Variants in DOT1L observed in about 807,000 individuals in gnomAD.
The protein encoded by DOT1L is DOT1 like histone lysine methyltransferase.
Under a neutral mutation model 153.3 loss-of-function variants are expected in DOT1L, and 33 were observed. The observed-to-expected ratio is 0.22, with a 90% CI of 0.16 to 0.29. The LOEUF is 0.29. Among genes scored for constraint, DOT1L ranks in the 10% least tolerant of loss-of-function variants. The pLI is 1.00. For missense variants in DOT1L, 1,847 were observed against 2,119.9 expected, an observed-to-expected ratio of 0.87 and a Z score of 2.53; for synonymous variants, 1,135 against 965.1, an observed-to-expected ratio of 1.18 and a Z score of -3.26.
Position 2,197,172 on chromosome 19 carries a change from T to G in DOT1L, c.651+2595T>G, listed in dbSNP as rs1354713359. ...TGGGTGGCGCTCCCTCGGCTTCTGT[T>G]CTGCTGTCTTTGACCAGGACTTGCG... is the stretch of plus-strand genomic sequence containing the variant. On this transcript the variant is annotated intron_variant, in intron 7 of 27. Transcript: ENST00000398665. This position sits in a 1 kb window ranked among gnomAD's most constrained non-coding sequence, Gnocchi z 4.1. 6.6e-6 allele frequency among the ~76,000 whole-genome samples: 1 copy of G among 152,176 alleles called. No homozygotes were observed. The highest frequency in any genetic ancestry group is 1.5e-5 in the Non-Finnish European group (1 of 68,026).
At position 2,226,556 on chromosome 19, in the gene DOT1L, C is replaced by A; in HGVS notation, c.4035C>A (p.Ala1345=). The change falls in exon 27 of 28, where the codon GCC becomes GCA. Residue 1345 remains alanine, a synonymous_variant. Transcript: ENST00000398665. The part of the protein sequence containing the change: ...ASLPHKGPEA[A]GLSSPLSFPS... ...TTCCCCACAAGGGCCCCGAGGCGGC[C>A]GGCCTGAGCTCCCCGCTGAGCTTCC... The A allele has an allele frequency of 1.2e-6, 2 of 1,600,420 alleles. No homozygotes were observed. Among genetic ancestry groups the A allele is most frequent in the South Asian group, 1.1e-5 (1 of 90,710 alleles).
At chr19:2,209,450 T>C (rs1229115165) in intron 12 of DOT1L, among the ~76,000 whole-genome samples, 1 of 152,236 alleles carries the variant, frequency 6.6e-6, no homozygotes, top group Non-Finnish European at 1.5e-5. Context: ...TGTGCGTCAC[T>C]GCTGGCTGCC....
At chr19:2,192,580 G>A (rs2022841920) in intron 5 of DOT1L, among the ~76,000 whole-genome samples, 1 of 151,704 alleles carries the variant, frequency 6.6e-6, no homozygotes, top group East Asian at 1.9e-4. Flanking sequence ...GGCTGAGGCA[G>A]GGGAATTGCT....
rs972214881 is a variant in DOT1L, at chr19:2,220,587, C to T, written c.2806+365C>T. ...CACAGCAGTGCCCAATGGCACACGA[C>T]CGTGGGCCTCCGTGCTGGTAGCGGC... On this transcript the variant is annotated intron_variant, in intron 23 of 27. Transcript: ENST00000398665. This position sits in a 1 kb window ranked among gnomAD's most constrained non-coding sequence, Gnocchi z 4.5. 1 of 458,818 alleles carries T rather than the reference C, an allele frequency of 2.2e-6. No homozygotes were observed. The highest frequency in any genetic ancestry group is 4.4e-6 in the Non-Finnish European group (1 of 227,426). 28.4% of individuals were successfully genotyped at this position (458,818 alleles called of 1,614,324 possible). A position where few individuals can be genotyped will look rare whatever the true frequency, so the allele number is the denominator to read the frequency against.
intron 27 of DOT1L, chr19:2,228,150 A>G: frequency 7.3e-7 from 1 of 1,364,546 alleles, no homozygotes. Context: ...CTCTTTGTCT[A>G]TCAAGCTCAC....
chr19:2,182,746 A>G (rs187041826), intron 2 of DOT1L, among the ~76,000 whole-genome samples: 256 of 152,260 alleles, frequency 1.7e-3, no homozygotes, highest in African/African-American at 5.9e-3. Flanking sequence ...GGGCCTGCAC[A>G]GACTTCTGGG....
At chr19:2,227,158 G>A in intron 27 of DOT1L, 31 bp downstream of exon 27, 2 of 1,564,218 alleles carry the variant, frequency 1.3e-6, no homozygotes, top group Non-Finnish European at 1.7e-6. Flanking sequence ...TCCGCCCCCC[G>A]CCCCGGCCCC....
intron 4 of DOT1L, 48 bp downstream of exon 4, chr19:2,189,843 C>G (rs369044072): frequency 6.3e-7 from 1 of 1,598,756 alleles, no homozygotes; most frequent in Non-Finnish European, 8.5e-7. Flanking sequence ...GCCAGGCTCC[C>G]GGACCCCTCC....
Position 2,226,659 on chromosome 19 carries a change from A to G in DOT1L, c.4138A>G (p.Lys1380Glu). ...GCAGCTGGACGGCCTGGCTGGGCTG[A>G]AGGGCGAGGGCAGCCGCGGCAAGGA... ...KRQLDGLAGL[K>E]GEGSRGKEAG... The change falls in exon 27 of 28, where the codon AAG becomes GAG. Residue 1380 changes from lysine to glutamate, a missense_variant. This residue lies in a region of DOT1L where 934 missense variants were observed against 825.3 expected (regional missense o/e 1.13). Coordinates refer to ENST00000398665, the MANE Select transcript of DOT1L (RefSeq NM_032482.3). 6.3e-7 allele frequency: 1 copy of G among 1,582,146 alleles called. No individual in the cohort carries two copies. Among genetic ancestry groups the G allele is most frequent in the Non-Finnish European group, 8.6e-7 (1 of 1,167,956 alleles).
intron 1 of DOT1L, among the ~76,000 whole-genome samples, chr19:2,176,402 G>A (rs2021936502): frequency 6.6e-6 from 1 of 152,206 alleles, no homozygotes; most frequent in South Asian, 2.1e-4. Context: ...GGCACGGCTC[G>A]CGGGAGTTGC....
chr19:2,215,724 G>C (rs1376753570), intron 19 of DOT1L: 1 of 152,442 alleles, frequency 6.6e-6, no homozygotes, highest in African/African-American at 2.4e-5. Context: ...AGAAACGGAG[G>C]TCGCCGACCT....
rs1433509294 is a variant in DOT1L at position 2,231,415 on chromosome 19, G to C, written c.*1623G>C. ...GGAGCCACGGAGGAAAGGCTTCTGT[G>C]GTTGCTAGGTGGGGGAGTCCTGTGT... On this transcript the variant is annotated 3_prime_UTR_variant, in exon 28 of 28. Coordinates refer to ENST00000398665, the MANE Select transcript of DOT1L (RefSeq NM_032482.3). The C allele has an allele frequency of 4.9e-6, 1 of 204,764 alleles. No homozygotes were observed. Among genetic ancestry groups the C allele is most frequent in the African/African-American group, 2.3e-5 (1 of 43,718 alleles). The allele number at this position is 204,764 out of a possible 1,614,324, so 12.7% of individuals were successfully genotyped here. A position where few individuals can be genotyped will look rare whatever the true frequency, so the allele number is the denominator to read the frequency against.
At chr19:2,219,796 G>C (rs1328370087) in intron 22 of DOT1L, among the ~76,000 whole-genome samples, 6 of 152,158 alleles carry the variant, frequency 3.9e-5, no homozygotes, top group African/African-American at 1.2e-4. Context: ...TTCCCGGTGA[G>C]GGCGGGCTGT....
intron 2 of DOT1L, among the ~76,000 whole-genome samples, chr19:2,182,992 A>G (rs2022312904): frequency 6.6e-6 from 1 of 151,908 alleles, no homozygotes. Context: ...CGAAACTCGA[A>G]CCCCCACCAC....
At position 2,226,937 on chromosome 19, in the gene DOT1L, G is replaced by A. The variant is rs745342968; in HGVS notation, c.4416G>A (p.Pro1472=). Residue 1472 remains proline, a synonymous_variant, in exon 27 of 28, where the codon CCG becomes CCA. Transcript: ENST00000398665. ...RSFLGPFPPG[P]QFALGPMSLQ... ...TCCTGGGCCCCTTCCCGCCGGGACC[G>A]CAGTTCGCGCTCGGCCCCATGTCCC... The A allele has an allele frequency of 5.1e-6, 8 of 1,582,454 alleles. No individual in the cohort carries two copies. The African/African-American group carries it at 5.5e-5, about 11-fold the overall frequency.
chr19:2,210,230 A>G (rs2023658417), intron 12 of DOT1L, among the ~76,000 whole-genome samples, 170 bp from the exon 13 acceptor site: 4 of 152,200 alleles, frequency 2.6e-5, no homozygotes, highest in Admixed American at 2.6e-4. Flanking sequence ...GGCCCCAAGC[A>G]GCCCACTGCT....
intron 26 of DOT1L, 106 bp downstream of exon 26, chr19:2,225,558 G>A: frequency 8.0e-7 from 1 of 1,243,492 alleles, no homozygotes; most frequent in South Asian, 1.2e-5. Flanking sequence ...TGTCCCGCAT[G>A]GTGCTGGCCC....
Position 2,230,348 on chromosome 19 carries a change from AGCGCCC to A in DOT1L, c.*557_*562del. 2.4e-6 allele frequency: 1 copy of A among 411,042 alleles called. No homozygotes were observed. The highest frequency in any genetic ancestry group is 4.3e-6 in the Non-Finnish European group (1 of 234,056). The allele number at this position is 411,042 out of a possible 1,614,324, so 25.5% of individuals were successfully genotyped here. A position where few individuals can be genotyped will look rare whatever the true frequency, so the allele number is the denominator to read the frequency against. On this transcript the variant is annotated 3_prime_UTR_variant, in exon 28 of 28. Transcript: ENST00000398665. ...TCCCCGCGGCCTGAGCCCCTTCCTGAGCGCCCTGGCGCCTGCCCTGAGCTCTTCACC... is the reference window on the plus strand; with the variant it reads ...TCCCCGCGGCCTGAGCCCCTTCCTGATGGCGCCTGCCCTGAGCTCTTCACC...
At position 2,223,321 on chromosome 19, in the gene DOT1L, C is replaced by T. The variant is rs1174739572; in HGVS notation, c.3431C>T (p.Ser1144Leu). Reference sequence around the variant, plus strand: ...CAGCCCCTGGAGATTACAGCCATCTCGTCCCCGGAGACCTCCCTGAAGAGC... The same window carrying T: ...CAGCCCCTGGAGATTACAGCCATCTTGTCCCCGGAGACCTCCCTGAAGAGC... ...INQPLEITAI[S>L]SPETSLKSSP... The change falls in exon 25 of 28, where the codon TCG becomes TTG. Residue 1144 changes from serine to leucine, a missense_variant. Physicochemically the swap from Ser to Leu is moderately radical, Grantham distance 145. Around this residue, in one of 8 missense-constraint regions of DOT1L, gnomAD observed 934 missense variants for 825.3 expected, o/e 1.13. Coordinates refer to ENST00000398665, the MANE Select transcript of DOT1L (RefSeq NM_032482.3). The T allele has an allele frequency of 2.5e-6, 4 of 1,613,598 alleles. No homozygotes were observed. Among genetic ancestry groups the T allele is most frequent in the South Asian group, 1.1e-5 (1 of 91,070 alleles).
Sources: gnomAD v4.1 joint callset for allele counts (sites outside exome capture counted in the v4.1 genomes callset) on GRCh38, gnomAD v4.1.1 for gene constraint, gnomAD v4.1.1 regional missense constraint, Gnocchi (gnomAD v3.1) non-coding constraint, MANE v1.5 for transcripts, NCBI Gene and HGNC (gene_info 2026-07-23, HGNC 2026-07-21) for gene names.